ASB5: variants seen among roughly 807,000 people sequenced by gnomAD.
ASB5 encodes ankyrin repeat and SOCS box containing 5.
In ASB5, 45 loss-of-function variants were observed where a neutral mutation model predicts 42.1. That is an observed-to-expected ratio of 1.07 (90% CI 0.84 to 1.37). ASB5 has a LOEUF of 1.37. Ranked by LOEUF, ASB5 falls within the 40% of genes most tolerant of loss-of-function variation. The pLI, the probability that ASB5 is intolerant of heterozygous loss-of-function variation, is 0.00. For missense variants in ASB5, 402 were observed against 399.8 expected (o/e 1.01, Z -0.05); for synonymous variants, 147 against 150.6 (o/e 0.98, Z 0.18).
At chr4:176,248,128 T>A (rs1753947436) in intron 1 of ASB5, among the ~76,000 whole-genome samples, 1 of 152,144 alleles carries the variant, frequency 6.6e-6, no homozygotes, top group Admixed American at 6.5e-5. Flanking sequence ...TTTTTTATTT[T>A]TTATCTTTTC....
intron 5 of ASB5, among the ~76,000 whole-genome samples, chr4:176,220,666 C>A (rs568220243): frequency 4.6e-5 from 7 of 152,202 alleles, no homozygotes; most frequent in Admixed American, 4.6e-4. Context: ...TGGAAAAGGG[C>A]AGTAAGTCTT....
chr4:176,257,140 A>G (rs1754172284), intron 1 of ASB5, among the ~76,000 whole-genome samples: 1 of 152,202 alleles, frequency 6.6e-6, no homozygotes, highest in Non-Finnish European at 1.5e-5. Context: ...AAAGGACGTT[A>G]CTATCTGGTG....
intron 1 of ASB5, among the ~76,000 whole-genome samples, chr4:176,232,128 C>T (rs28690108): frequency 0.25 from 24,158 of 98,284 alleles, 2,448 homozygotes; most frequent in Middle Eastern, 0.36. Flanking sequence ...TATATATATA[C>T]TTTTTTTTTT....
intron 2 of ASB5, among the ~76,000 whole-genome samples, chr4:176,274,717 A>G (rs1374886197): frequency 2.0e-5 from 3 of 152,132 alleles, no homozygotes; most frequent in African/African-American, 4.8e-5. Flanking sequence ...ACTGGGCCAA[A>G]GCTGATGTGC....
At chr4:176,237,542 TC>T (rs1412477050) in intron 1 of ASB5, 11 of 985,564 alleles carry the variant, frequency 1.1e-5, no homozygotes, top group Non-Finnish European at 1.3e-5. Flanking sequence ...TCACAAAGGT[TC>T]CTGTGTGCTA....
At chr4:176,270,247 T>A (rs1197621054), upstream of ASB5, among the ~76,000 whole-genome samples, 1 of 152,170 alleles carries the variant, frequency 6.6e-6, no homozygotes, top group Non-Finnish European at 1.5e-5. Flanking sequence ...CTGTTGATTG[T>A]GGTACTTGCT....
intron 6 of ASB5, among the ~76,000 whole-genome samples, chr4:176,216,347 A>G (rs974457982): frequency 6.6e-6 from 1 of 152,096 alleles, no homozygotes; most frequent in Non-Finnish European, 1.5e-5. Flanking sequence ...GAAAATTAAA[A>G]TTATCATTTT....
chr4:176,249,938 G>A (rs1198663539), intron 1 of ASB5, among the ~76,000 whole-genome samples: 9 of 151,672 alleles, frequency 5.9e-5, no homozygotes, highest in Non-Finnish European at 7.4e-5. Flanking sequence ...GGTGACGGGC[G>A]CCTGTAGTCC....
Position 176,215,742 on chromosome 4 carries a change from G to T in ASB5, c.863-15C>A. 1 of 1,594,942 alleles carries T rather than the reference G, an allele frequency of 6.3e-7. No homozygotes were observed. Among genetic ancestry groups the T allele is most frequent in the Non-Finnish European group, 8.5e-7 (1 of 1,172,206 alleles). On this transcript the variant is annotated splice_polypyrimidine_tract_variant and intron_variant, in intron 6 of 6. Coordinates refer to ENST00000296525, the MANE Select transcript of ASB5 (RefSeq NM_080874.4). ...GCTTGGGGTAGCTACAAGAAGACAT[G>T]AATCTATTTGTTAATTAAAATAGAA... is the stretch of plus-strand genomic sequence containing the variant.
intron 1 of ASB5, chr4:176,237,318 T>C (rs1753710190): frequency 1.0e-6 from 1 of 985,796 alleles, no homozygotes; most frequent in South Asian, 4.7e-5. Flanking sequence ...ATACCCCAGC[T>C]AGCTTTTCGT....
rs776466079 is a variant in ASB5 at position 176,217,038 on chromosome 4, A to G, written c.671-29T>C. ...CATGTAATACGGAGTGAAGATAAAT[A>G]TAAATAAAAGTTGTTAAATAAGCCA... On this transcript the variant is annotated intron_variant, in intron 5 of 6. Coordinates refer to ENST00000296525, the MANE Select transcript of ASB5 (RefSeq NM_080874.4). 7.2e-6 allele frequency: 11 copies of G among 1,537,538 alleles called. No homozygotes were observed. In the East Asian group the frequency reaches 2.3e-4, roughly 32 times the overall value.
At chr4:176,237,175 AT>A (rs1259347737) in intron 1 of ASB5, 1 of 637,322 alleles carries the variant, frequency 1.6e-6, no homozygotes, top group African/African-American at 2.0e-5. Context: ...CATGCCATAC[AT>A]GTGCATTTCA....
At chr4:176,271,571 G>A (rs560056047), upstream of ASB5, among the ~76,000 whole-genome samples, 30 of 152,190 alleles carry the variant, frequency 2.0e-4, no homozygotes, top group African/African-American at 5.5e-4. Context: ...TGTTAGCTTC[G>A]ATCAATCAGT....
At chr4:176,224,796 T>C (rs146061436) in intron 2 of ASB5, among the ~76,000 whole-genome samples, 4 of 152,322 alleles carry the variant, frequency 2.6e-5, no homozygotes, top group African/African-American at 9.6e-5. Flanking sequence ...AACAGGCAAA[T>C]ATAGAAATGA....
intron 1 of ASB5, among the ~76,000 whole-genome samples, chr4:176,230,534 AT>A (rs1316943960): frequency 5.3e-5 from 8 of 152,090 alleles, no homozygotes. Flanking sequence ...CCTGTTATTT[AT>A]TTTCTTGTAA....
intron 1 of ASB5, among the ~76,000 whole-genome samples, chr4:176,250,088 GAA>G (rs1754003888): frequency 6.7e-6 from 1 of 149,600 alleles, no homozygotes; most frequent in Admixed American, 6.7e-5. Flanking sequence ...AAAAGAAAAA[GAA>G]AAAGAAAGTG....
chr4:176,252,644 A>G (rs1346541046), intron 1 of ASB5, among the ~76,000 whole-genome samples: 1 of 152,198 alleles, frequency 6.6e-6, no homozygotes, highest in Non-Finnish European at 1.5e-5. Context: ...ATATTAAGAT[A>G]ATCCATGTCT....
intron 1 of ASB5, among the ~76,000 whole-genome samples, chr4:176,276,571 C>T (rs550436793): frequency 2.0e-5 from 3 of 152,266 alleles, no homozygotes; most frequent in African/African-American, 7.2e-5. Context: ...ATTTCATCTT[C>T]CCAGGCTCCA....
At chr4:176,252,074 A>AG in intron 1 of ASB5, among the ~76,000 whole-genome samples, 1 of 73,910 alleles carries the variant, frequency 1.4e-5, no homozygotes. Context: ...TCAAAAAAAA[A>AG]AAAAAAAAAG....
Sources: allele counts gnomAD v4.1 joint callset (sites outside exome capture counted in the v4.1 genomes callset), GRCh38; gene constraint gnomAD v4.1.1; transcripts MANE v1.5; gene names NCBI Gene and HGNC (gene_info 2026-07-23, HGNC 2026-07-21).